Variants in KLHL3 observed in about 807,000 individuals in gnomAD.
KLHL3 encodes kelch-like protein 3.
KLHL3 carries 19 observed loss-of-function variants against 70.5 expected under a neutral mutation model. The ratio of observed to expected loss-of-function variants is 0.27; its 90% CI spans 0.19 to 0.40. KLHL3 has a LOEUF of 0.40. Among genes scored for constraint, KLHL3 ranks in the 10% least tolerant of loss-of-function variants. KLHL3 has a pLI of 1.00. For synonymous variants in KLHL3, 258 were observed against 290.3 expected (o/e 0.89, Z 1.13); for missense variants, 512 against 771.1 (o/e 0.66, Z 3.98).
intron 1 of KLHL3, among the ~76,000 whole-genome samples, chr5:137,723,677 G>C (rs1166313793): frequency 6.6e-6 from 1 of 152,146 alleles, no homozygotes; most frequent in African/African-American, 2.4e-5. Flanking sequence ...TATAATGCCA[G>C]AGATTTTTCT....
intron 6 of KLHL3, among the ~76,000 whole-genome samples, chr5:137,663,088 T>G (rs1042328828): frequency 6.8e-6 from 1 of 146,168 alleles, no homozygotes; most frequent in Non-Finnish European, 1.5e-5. Flanking sequence ...TTTTGGTTCT[T>G]ACTCTGTCGC....
intron 8 of KLHL3, among the ~76,000 whole-genome samples, chr5:137,655,993 GA>G (rs11442441): frequency 6.9e-4 from 74 of 107,924 alleles, no homozygotes; most frequent in East Asian, 4.2e-3. Flanking sequence ...TCTGCCTCAA[GA>G]AAAAAAAAAA....
chr5:137,667,505 A>G (rs1751642098), intron 6 of KLHL3, among the ~76,000 whole-genome samples: 1 of 152,222 alleles, frequency 6.6e-6, no homozygotes, highest in South Asian at 2.1e-4. Context: ...CATAGCTCCC[A>G]GCTCACCACA....
intron 11 of KLHL3, 22 bp from the exon 12 acceptor site, chr5:137,634,187 A>G (rs747572827): frequency 1.9e-6 from 3 of 1,587,992 alleles, no homozygotes; most frequent in Non-Finnish European, 2.6e-6. Context: ...AAAGTGGCTG[A>G]GTGTGGTGCC....
chr5:137,660,280 G>T (rs1478323473), intron 7 of KLHL3, among the ~76,000 whole-genome samples: 1 of 152,158 alleles, frequency 6.6e-6, no homozygotes, highest in African/African-American at 2.4e-5. Context: ...AGTTGTGGAT[G>T]CCTGATGAAG....
intron 7 of KLHL3, among the ~76,000 whole-genome samples, chr5:137,658,580 G>C (rs1404212625): frequency 6.6e-6 from 1 of 152,150 alleles, no homozygotes; most frequent in African/African-American, 2.4e-5. Flanking sequence ...TGTTTGTTTT[G>C]AGGCTTAAAT....
intron 3 of KLHL3, among the ~76,000 whole-genome samples, chr5:137,702,041 T>A (rs1752580834): frequency 6.6e-6 from 1 of 152,170 alleles, no homozygotes; most frequent in South Asian, 2.1e-4. Context: ...ATCAGATGTG[T>A]CCTCATGTGT....
chr5:137,628,321 T>A lies in KLHL3; in HGVS notation c.1567A>T (p.Met523Leu). The change falls in exon 13 of 15, where the codon ATG becomes TTG. Residue 523 changes from methionine to leucine, a missense_variant. Coordinates refer to ENST00000309755, the MANE Select transcript of KLHL3 (RefSeq NM_017415.3). ...CCTGCGTTGCGCCGGCACATGTTCA[T>A]GTCTGCCACTTGCTTCCAGGTATTT... Reference protein sequence around the residue: ...GTNTWKQVADMNMCRRNAGVC... With the variant: ...GTNTWKQVADLNMCRRNAGVC... 3 of 1,614,152 alleles carry A rather than the reference T, an allele frequency of 1.9e-6. No homozygotes were observed. The highest frequency in any genetic ancestry group is 2.5e-6 in the Non-Finnish European group (3 of 1,180,014).
chr5:137,637,178 G>C, intron 11 of KLHL3, 116 bp downstream of exon 11: 1 of 757,110 alleles, frequency 1.3e-6, no homozygotes, highest in Non-Finnish European at 2.3e-6. Flanking sequence ...ACCTAACCCA[G>C]AGGAGTGATC....
chr5:137,691,760 G>A lies in KLHL3; in HGVS notation c.526+525C>T, dbSNP rs1471968337. On this transcript the variant is annotated intron_variant, in intron 5 of 14. Transcript: ENST00000309755. Reference sequence around the variant, plus strand: ...CAAGTAGCTGGGACTACAGGCGCCCGCCACCAAGCCCCGCTAATTTTTTTT... The same window carrying A: ...CAAGTAGCTGGGACTACAGGCGCCCACCACCAAGCCCCGCTAATTTTTTTT... Among the ~76,000 whole-genome samples the A allele has an allele frequency of 5.5e-5, 8 of 145,056 alleles. No homozygotes were observed. In the South Asian group the frequency reaches 9.0e-4, roughly 16 times the overall value.
intron 6 of KLHL3, among the ~76,000 whole-genome samples, chr5:137,665,981 A>G (rs1437636685): frequency 6.6e-6 from 1 of 152,212 alleles, no homozygotes; most frequent in Non-Finnish European, 1.5e-5. Flanking sequence ...ACATAAGCAC[A>G]TACACCATAG....
intron 4 of KLHL3, among the ~76,000 whole-genome samples, chr5:137,695,982 C>T (rs1752435834): frequency 6.6e-6 from 1 of 152,182 alleles, no homozygotes; most frequent in Non-Finnish European, 1.5e-5. Flanking sequence ...TCTTGGAAAA[C>T]AGGCCCTGAA....
At chr5:137,678,203 C>A (rs1182965275) in intron 5 of KLHL3, among the ~76,000 whole-genome samples, 3 of 152,170 alleles carry the variant, frequency 2.0e-5, no homozygotes, top group Admixed American at 6.5e-5. Context: ...GGAGGCCCAA[C>A]TAAGCATTCA....
At chr5:137,683,172 G>C (rs548355162) in intron 5 of KLHL3, among the ~76,000 whole-genome samples, 2 of 152,106 alleles carry the variant, frequency 1.3e-5, no homozygotes, top group Admixed American at 6.5e-5. Context: ...TGCTTGGTGG[G>C]AAAAGACTGA....
At chr5:137,654,180 A>G (rs556303935) in intron 8 of KLHL3, among the ~76,000 whole-genome samples, 1 of 152,360 alleles carries the variant, frequency 6.6e-6, no homozygotes, top group South Asian at 2.1e-4. Context: ...TGGTGGTTAC[A>G]TGACTGTGCA....
At chr5:137,682,427 G>A (rs957345777) in intron 5 of KLHL3, among the ~76,000 whole-genome samples, 4 of 151,762 alleles carry the variant, frequency 2.6e-5, no homozygotes, top group Admixed American at 1.3e-4. Flanking sequence ...GAGAGAGAGA[G>A]AGAGAGAGGC....
At chr5:137,668,778 G>A (rs986208573) in intron 6 of KLHL3, among the ~76,000 whole-genome samples, 21 of 152,272 alleles carry the variant, frequency 1.4e-4, no homozygotes, top group East Asian at 7.7e-4. Context: ...CTAACTCCAC[G>A]TTTAGTGACA....
At chr5:137,712,969 T>A (rs916090019) in intron 2 of KLHL3, among the ~76,000 whole-genome samples, 1 of 152,096 alleles carries the variant, frequency 6.6e-6, no homozygotes, top group Admixed American at 6.5e-5. Context: ...CTGCTTCACT[T>A]TTCCTCCATA....
At chr5:137,652,027 A>G (rs1751213182) in intron 8 of KLHL3, among the ~76,000 whole-genome samples, 1 of 152,112 alleles carries the variant, frequency 6.6e-6, no homozygotes, top group Non-Finnish European at 1.5e-5. Context: ...CTCTCACCTC[A>G]TGCACCATAT....
Sources: gnomAD v4.1 joint callset for allele counts (sites outside exome capture counted in the v4.1 genomes callset) on GRCh38, gnomAD v4.1.1 for gene constraint, MANE v1.5 for transcripts, NCBI Gene and HGNC (gene_info 2026-07-23, HGNC 2026-07-21) for gene names.